The following PERM1 variants were observed in gnomAD, a reference collection of about 807,000 sequenced individuals.
PERM1 encodes the protein PGC-1 and ERR-induced regulator in muscle protein 1.
In PERM1, 45 loss-of-function variants were observed where a neutral mutation model predicts 44.1. The observed-to-expected ratio is 1.02, with a 90% CI of 0.80 to 1.31. The LOEUF (loss-of-function observed/expected upper bound fraction) is 1.31, where lower values mean the gene tolerates loss of function less well. PERM1 is among the 50% of genes most tolerant of loss of function. PERM1 has a pLI of 0.00. For missense variants in PERM1, 1,189 were observed against 1,106.9 expected (o/e 1.07, Z -1.05); for synonymous variants, 565 against 477.1 (o/e 1.18, Z -2.40).
At chr1:979,900 G>A (rs1419811179) in exon 1 of PERM1, 4 of 1,550,064 alleles carry the variant, frequency 2.6e-6, no homozygotes, top group Non-Finnish European at 3.5e-6. Context: ...AGGCTCAGAA[G>A]CTGGTGTAGA....
exon 1 of PERM1, chr1:980,944 T>C (rs1643779898): frequency 6.9e-7 from 1 of 1,441,092 alleles, no homozygotes. Context: ...CAGGCCGGCC[T>C]GCAGGAGGCC....
In PERM1 at chr1:979,448, G is replaced by A. The variant is rs375378975; in HGVS notation, c.1582C>T (p.Pro528Ser). 1.2e-5 allele frequency: 19 copies of A among 1,544,552 alleles called. 1 individual carries two copies. The South Asian group carries it at 2.2e-4, about 18-fold the overall frequency. The change falls in exon 1 of 3, where the codon CCC becomes TCC. Residue 528 changes from proline (P) to serine (S), a missense_variant. By Grantham distance (74) the Pro-to-Ser change is moderately conservative (BLOSUM62 -1). Transcript: ENST00000433179. Reference sequence around the variant, plus strand: ...CCGTGGGCCCCAGTTGCTGTCTGGGGGGCTGAGGGCCGGGCTGAGGCCTGT... The same window carrying A: ...CCGTGGGCCCCAGTTGCTGTCTGGGAGGCTGAGGGCCGGGCTGAGGCCTGT...
chr1:978,749 G>T, intron 1 of PERM1, 132 bp downstream of exon 2: 1 of 812,988 alleles, frequency 1.2e-6, no homozygotes, highest in South Asian at 2.3e-5. Flanking sequence ...CTGGGGGCTG[G>T]TCCCCAGGCT....
chr1:980,463 A>G, exon 1 of PERM1: 3 of 1,533,212 alleles, frequency 2.0e-6, no homozygotes, highest in Non-Finnish European at 2.6e-6. Context: ...CCCCCTTGGC[A>G]CCCACAGCTC....
exon 1 of PERM1, chr1:980,716 G>A (rs954796441): frequency 3.2e-5 from 46 of 1,419,326 alleles, no homozygotes; most frequent in Non-Finnish European, 3.8e-5. Context: ...CCGTGCGGAC[G>A]TGCTGGGTGT....
chr1:976,204 G>A lies in PERM1; in HGVS notation c.2341C>T (p.Arg781Cys), dbSNP rs956928007. 4 of 1,541,988 alleles carry A rather than the reference G, an allele frequency of 2.6e-6. No homozygotes were observed. In the East Asian group the frequency reaches 7.3e-5, roughly 28 times the overall value. ...CTGGGGCTGGGGCTGTGGCTGCGGC[G>A]CCCTTGCCCCACCTGCCGGCGGAAG... Residue 781 changes from arginine to cysteine, a missense_variant, in exon 3 of 3, where the codon CGC becomes TGC. Coordinates refer to ENST00000433179, the Ensembl canonical transcript of PERM1.
exon 1 of PERM1, chr1:979,082 C>T (rs761157931): frequency 6.5e-7 from 1 of 1,549,004 alleles, no homozygotes; most frequent in South Asian, 1.2e-5. Flanking sequence ...GGCACGGGGT[C>T]TCCAGGTATG....
chr1:979,082 C>G (rs761157931), exon 1 of PERM1: 1 of 1,549,004 alleles, frequency 6.5e-7, no homozygotes, highest in African/African-American at 1.4e-5. Flanking sequence ...GGCACGGGGT[C>G]TCCAGGTATG....
exon 1 of PERM1, chr1:980,150 C>T (rs1643753657): frequency 1.3e-6 from 2 of 1,550,322 alleles, no homozygotes; most frequent in Non-Finnish European, 1.7e-6. Context: ...TCTGACTTAG[C>T]CCTTGAGACA....
upstream of PERM1, chr1:981,106 C>T (rs1557661147): frequency 1.9e-6 from 3 of 1,549,086 alleles, no homozygotes; most frequent in Admixed American, 5.9e-5. Flanking sequence ...CCGGGCACCA[C>T]CCTGCACATG....
rs565395227 is a variant in PERM1 at position 980,796 on chromosome 1, GTCC to G, written c.231_233del (p.Glu77del). On this transcript the variant is annotated inframe_deletion, in exon 1 of 3. Coordinates refer to ENST00000433179, the Ensembl canonical transcript of PERM1. The stretch of plus-strand genomic sequence containing the variant: ...TGCTGACCGGCTGCTGTGTGGCCAC[GTCC>G]TCCTCCTCGCAGCCCCGCCGGCTCC... 6.6e-4 allele frequency: 926 copies of G among 1,399,690 alleles called. 7 individuals carry two copies. In the African/African-American group the frequency reaches 0.012, roughly 19 times the overall value. The allele number at this position is 1,399,690 out of a possible 1,614,324, so 86.7% of individuals were successfully genotyped here.
intron 1 of PERM1, 62 bp from the exon 3 acceptor site, chr1:976,686 G>GC (rs1643622718): frequency 6.6e-7 from 1 of 1,511,254 alleles, no homozygotes. Flanking sequence ...GCACACGCCC[G>GC]CCCCGGGAAC....
chr1:976,665 G>T (rs2100494956), intron 1 of PERM1, 41 bp from the exon 3 acceptor site: 1 of 1,546,838 alleles, frequency 6.5e-7, no homozygotes. Flanking sequence ...GCTGCACTCA[G>T]AGATGGCCCC....
At chr1:980,151 C>T in exon 1 of PERM1, 1 of 1,550,338 alleles carries the variant, frequency 6.5e-7, no homozygotes, top group African/African-American at 1.4e-5. Context: ...CTGACTTAGC[C>T]CTTGAGACAT....
intron 1 of PERM1, among the ~76,000 whole-genome samples, 177 bp downstream of exon 2, chr1:978,704 C>T (rs1643693454): frequency 6.6e-6 from 1 of 152,218 alleles, no homozygotes; most frequent in Non-Finnish European, 1.5e-5. Flanking sequence ...GGTGCTTGGA[C>T]TGGGCCGCCC....
intron 2 of PERM1, 65 bp downstream of exon 3, chr1:976,434 C>T (rs1307986065): frequency 9.7e-6 from 15 of 1,547,722 alleles, no homozygotes; most frequent in Middle Eastern, 1.7e-4. Flanking sequence ...GTGCACCCCT[C>T]GTCCTGCCAG....
rs1557656697 is a variant in PERM1, at chr1:976,494, C to T, written c.2275+5G>A. On this transcript the variant is annotated splice_donor_5th_base_variant and intron_variant, in intron 2 of 2. Transcript: ENST00000433179. ...GCAGCTCCCTCTGCCCCCAGGCACC[C>T]AAACCTGTTTTCCAGGCGTCTGGGG... 4 of 1,549,524 alleles carry T rather than the reference C, an allele frequency of 2.6e-6. No homozygotes were observed. The East Asian group carries it at 9.8e-5, about 38-fold the overall frequency.
At chr1:980,525 G>A in exon 1 of PERM1, 5 of 1,472,102 alleles carry the variant, frequency 3.4e-6, no homozygotes, top group Non-Finnish European at 4.5e-6. Flanking sequence ...CTATCGGGGG[G>A]CCTCTGGGAG....
chr1:979,260 G>A, exon 1 of PERM1: 2 of 1,549,922 alleles, frequency 1.3e-6, no homozygotes, highest in South Asian at 2.4e-5. Flanking sequence ...CCTCGATGGT[G>A]TCACAGAAGA....
Sources: gnomAD v4.1 joint callset for allele counts (sites outside exome capture counted in the v4.1 genomes callset) on GRCh38, gnomAD v4.1.1 for gene constraint, MANE v1.5 for transcripts, NCBI Gene and HGNC (gene_info 2026-07-23, HGNC 2026-07-21) for gene names.